The following TUB variants were observed in gnomAD, a reference collection of about 807,000 sequenced individuals.
TUB encodes the protein TUB bipartite transcription factor.
TUB carries 33 observed loss-of-function variants against 59.7 expected under a neutral mutation model. The ratio of observed to expected loss-of-function variants is 0.55; its 90% CI spans 0.42 to 0.74. The LOEUF (loss-of-function observed/expected upper bound fraction) is 0.74, where lower values mean the gene tolerates loss of function less well. Ranked by LOEUF, TUB falls within the 30% of genes least tolerant of loss-of-function variation. The probability of loss-of-function intolerance (pLI) is 0.00; values close to 1 mark genes in which losing one functional copy is unlikely to be tolerated. For synonymous variants in TUB, 293 were observed against 256.4 expected (o/e 1.14, Z -1.36); for missense variants, 659 against 672.0 (o/e 0.98, Z 0.21).
At chr11:8,056,013 G>A (rs1258959262) in intron 2 of TUB, among the ~76,000 whole-genome samples, 1 of 152,220 alleles carries the variant, frequency 6.6e-6, no homozygotes, top group Non-Finnish European at 1.5e-5. Context: ...AGAAGCAGAT[G>A]GGTGTCCTTG....
chr11:8,085,435 T>C (rs778402742), intron 1 of TUB, among the ~76,000 whole-genome samples: 8 of 152,210 alleles, frequency 5.3e-5, no homozygotes, highest in Non-Finnish European at 1.0e-4. Flanking sequence ...AGCAGTGTGG[T>C]CCTCTGCCTT....
rs1226094818 is a variant in TUB, at chr11:8,081,265, C to T, written c.-246C>T. ...GACGGTGCGGTCGGCCTCCCCGCCT[C>T]CACGCGCGCGCACGACCCGCGCACT... is the stretch of plus-strand genomic sequence containing the variant. On this transcript the variant is annotated 5_prime_UTR_variant, in exon 1 of 12. Coordinates refer to ENST00000299506, the MANE Select transcript of TUB (RefSeq NM_177972.3). The T allele has an allele frequency of 2.5e-5, 16 of 652,988 alleles. No homozygotes were observed. The highest frequency in any genetic ancestry group is 3.0e-5 in the Non-Finnish European group (16 of 526,482). 40.4% of individuals were successfully genotyped at this position (652,988 alleles called of 1,614,324 possible).
At chr11:8,095,775 G>A in intron 5 of TUB, 110 bp downstream of exon 5, 1 of 1,168,382 alleles carries the variant, frequency 8.6e-7, no homozygotes. Context: ...CCCTGGCAAT[G>A]GTGGGTGAGG....
At chr11:8,019,351 T>C in exon 1 of TUB, 1 of 1,268,168 alleles carries the variant, frequency 7.9e-7, no homozygotes, top group Non-Finnish European at 9.9e-7. Flanking sequence ...CCGCTGGAGC[T>C]ATGACAGGTA....
chr11:8,067,724 C>T (rs7113956), intron 2 of TUB: 16,093 of 152,424 alleles, frequency 0.11, 935 homozygotes, highest in African/African-American at 0.14. Context: ...GTTGTCAGCC[C>T]TCCTCTCCCT....
chr11:8,097,589 T>C lies in TUB; in HGVS notation c.886-125T>C, dbSNP rs79480355. 1.3e-3 allele frequency: 1,710 copies of C among 1,301,658 alleles called. 16 individuals carry two copies. In the African/African-American group the frequency reaches 0.023, roughly 17 times the overall value. 80.6% of individuals were successfully genotyped at this position (1,301,658 alleles called of 1,614,324 possible). On this transcript the variant is annotated intron_variant, in intron 7 of 11. Transcript: ENST00000299506. The stretch of plus-strand genomic sequence containing the variant: ...CACATCTTTGTGTTTTCCAGTGCAT[T>C]TGTGTGTGTGCACATATGTGCGTTT...
At chr11:8,036,421 C>T (rs1201898317), upstream of TUB, among the ~76,000 whole-genome samples, 2 of 152,184 alleles carry the variant, frequency 1.3e-5, no homozygotes, top group Non-Finnish European at 2.9e-5. Flanking sequence ...TCCTAGGTTC[C>T]CCTTTTGTGA....
At chr11:8,022,933 AAAC>A (rs948299408) in intron 1 of TUB, among the ~76,000 whole-genome samples, 32 of 151,908 alleles carry the variant, frequency 2.1e-4, no homozygotes, top group African/African-American at 7.5e-4. Flanking sequence ...ACACAAACAA[AAAC>A]AAAACAACAA....
intron 1 of TUB, among the ~76,000 whole-genome samples, 157 bp downstream of exon 1, chr11:8,081,705 A>G (rs1398514743): frequency 6.6e-6 from 1 of 151,838 alleles, no homozygotes; most frequent in African/African-American, 2.4e-5. Context: ...CTCAACTTTG[A>G]GGGCCCCTGC....
upstream of TUB, among the ~76,000 whole-genome samples, chr11:8,035,287 T>C (rs1564897788): frequency 6.6e-6 from 1 of 152,252 alleles, no homozygotes; most frequent in Non-Finnish European, 1.5e-5. Context: ...TTACCCTAAC[T>C]CCAGTCTTGT....
chr11:8,032,397 T>C (rs902874438), intron 1 of TUB, among the ~76,000 whole-genome samples: 1 of 152,188 alleles, frequency 6.6e-6, no homozygotes, highest in Non-Finnish European at 1.5e-5. Flanking sequence ...ATGATCAGCA[T>C]GGACGGACAC....
intron 3 of TUB, among the ~76,000 whole-genome samples, chr11:8,090,548 T>G (rs60875716): frequency 0.11 from 16,655 of 152,162 alleles, 1,092 homozygotes; most frequent in African/African-American, 0.17. Context: ...CTTCTAAGAG[T>G]AGATGACCTG....
chr11:8,087,211 G>A (rs868064495), intron 1 of TUB, among the ~76,000 whole-genome samples: 5 of 152,246 alleles, frequency 3.3e-5, no homozygotes, highest in African/African-American at 7.2e-5. Flanking sequence ...CAGCATTTCC[G>A]GAGGTGGCAT....
intron 1 of TUB, among the ~76,000 whole-genome samples, chr11:8,088,049 C>T (rs188615720): frequency 3.5e-4 from 53 of 152,266 alleles, no homozygotes; most frequent in Admixed American, 3.2e-3. Context: ...GGCTCTTGAG[C>T]GGTGTTTTCT....
upstream of TUB, chr11:8,076,965 ATAT>A (rs2133805623): frequency 6.6e-6 from 1 of 152,212 alleles, no homozygotes; most frequent in East Asian, 1.9e-4. Context: ...TGGTCTTTGT[ATAT>A]TCTGCAGTTA....
chr11:8,097,209 C>A lies in TUB; in HGVS notation c.688-19C>A. On this transcript the variant is annotated intron_variant, in intron 6 of 11. Coordinates refer to ENST00000299506, the MANE Select transcript of TUB (RefSeq NM_177972.3). ...CTTAGGGTCCTTGGGGCTCAGGCACCTATTCTGCATCCCCATAGGAGGCAG... is the reference window on the plus strand; with the variant it reads ...CTTAGGGTCCTTGGGGCTCAGGCACATATTCTGCATCCCCATAGGAGGCAG... 1 of 1,613,530 alleles carries A rather than the reference C, an allele frequency of 6.2e-7. No homozygotes were observed. The highest frequency in any genetic ancestry group is 1.1e-5 in the South Asian group (1 of 91,054).
chr11:8,058,348 C>G (rs1316334173), intron 2 of TUB, among the ~76,000 whole-genome samples: 1 of 152,118 alleles, frequency 6.6e-6, no homozygotes, highest in South Asian at 2.1e-4. Flanking sequence ...TCTGTTGTGT[C>G]TGCGGGGTGG....
At chr11:8,095,097 G>A (rs1320052727) in intron 4 of TUB, among the ~76,000 whole-genome samples, 1 of 152,254 alleles carries the variant, frequency 6.6e-6, no homozygotes, top group African/African-American at 2.4e-5. Context: ...GTCTGTTTGT[G>A]GAAGAAAACA....
At chr11:8,019,922 T>G (rs1942397530) in intron 1 of TUB, among the ~76,000 whole-genome samples, 2 of 152,074 alleles carry the variant, frequency 1.3e-5, no homozygotes, top group African/African-American at 4.8e-5. Flanking sequence ...GGAGCGGCGC[T>G]CTCGAGTTGC....
Sources: allele counts gnomAD v4.1 joint callset (sites outside exome capture counted in the v4.1 genomes callset), GRCh38; gene constraint gnomAD v4.1.1; transcripts MANE v1.5; gene names NCBI Gene and HGNC (gene_info 2026-07-23, HGNC 2026-07-21).